SGCZ: variants seen among roughly 807,000 people sequenced by gnomAD.
The protein encoded by SGCZ is zeta-sarcoglycan.
A neutral mutation model predicts 41.3 loss-of-function variants in SGCZ; 40 were observed. The ratio of observed to expected loss-of-function variants is 0.97; its 90% CI spans 0.75 to 1.26. The LOEUF (loss-of-function observed/expected upper bound fraction) is 1.26, where lower values mean the gene tolerates loss of function less well. SGCZ is among the 50% of genes most tolerant of loss of function. The probability of loss-of-function intolerance (pLI) is 0.00; values close to 1 mark genes in which losing one functional copy is unlikely to be tolerated. For missense variants in SGCZ, 552 were observed against 369.8 expected (o/e 1.49, Z -4.04); for synonymous variants, 206 against 137.5 (o/e 1.50, Z -3.49).
intron 1 of SGCZ, among the ~76,000 whole-genome samples, chr8:15,215,964 T>G (rs912420801): frequency 6.6e-6 from 1 of 152,178 alleles, no homozygotes. Context: ...AAGTACATCC[T>G]TGTTGGTTGC....
intron 1 of SGCZ, among the ~76,000 whole-genome samples, chr8:15,226,150 T>C (rs917487759): frequency 3.9e-5 from 6 of 152,204 alleles, no homozygotes; most frequent in Non-Finnish European, 8.8e-5. Flanking sequence ...TCAAATATCT[T>C]GGCCTGTCTT....
intron 1 of SGCZ, among the ~76,000 whole-genome samples, chr8:15,108,926 G>A (rs1338301381): frequency 6.6e-6 from 1 of 151,866 alleles, no homozygotes; most frequent in Non-Finnish European, 1.5e-5. Context: ...TTCAGTGAAA[G>A]AATCATAAAT....
At chr8:15,180,797 G>C (rs1011570266) in intron 1 of SGCZ, among the ~76,000 whole-genome samples, 18 of 151,482 alleles carry the variant, frequency 1.2e-4, no homozygotes, top group African/African-American at 4.1e-4. Flanking sequence ...TGAGGCAGGA[G>C]AATGGCATGA....
chr8:14,451,948 C>A (rs1800606178), intron 2 of SGCZ, among the ~76,000 whole-genome samples: 1 of 152,148 alleles, frequency 6.6e-6, no homozygotes, highest in Admixed American at 6.5e-5. Flanking sequence ...TAAACATAGT[C>A]AGTTTACGAT....
intron 1 of SGCZ, among the ~76,000 whole-genome samples, chr8:14,675,520 A>G (rs879417797): frequency 6.6e-6 from 1 of 152,136 alleles, no homozygotes. Context: ...TACAGAGTGT[A>G]TACACTTTAC....
At chr8:14,186,510 T>C (rs1804906490) in intron 4 of SGCZ, among the ~76,000 whole-genome samples, 1 of 151,978 alleles carries the variant, frequency 6.6e-6, no homozygotes, top group African/African-American at 2.4e-5. Context: ...GGATGGAGGG[T>C]CCAGGCCACG....
chr8:15,057,905 T>C (rs1804772897), intron 1 of SGCZ, among the ~76,000 whole-genome samples: 1 of 152,214 alleles, frequency 6.6e-6, no homozygotes, highest in African/African-American at 2.4e-5. Flanking sequence ...CATCACCTAA[T>C]CTGGGCCAAG....
intron 2 of SGCZ, among the ~76,000 whole-genome samples, chr8:14,426,816 G>A (rs745531817): frequency 1.7e-4 from 26 of 152,240 alleles, no homozygotes; most frequent in Middle Eastern, 3.4e-3. Flanking sequence ...GAGTTGCAAA[G>A]ATTGGAAATA....
chr8:15,137,338 A>C (rs1302611041), intron 1 of SGCZ, among the ~76,000 whole-genome samples: 1 of 152,208 alleles, frequency 6.6e-6, no homozygotes, highest in Admixed American at 6.5e-5. Context: ...ACAATGCAAT[A>C]AAAAAGAAAA....
intron 2 of SGCZ, among the ~76,000 whole-genome samples, chr8:14,503,629 G>A (rs147298341): frequency 1.3e-5 from 2 of 151,918 alleles, no homozygotes; most frequent in African/African-American, 4.8e-5. Flanking sequence ...TTAGCTGGGC[G>A]TGGTGGCCTG....
At chr8:14,645,424 T>C (rs868416859) in intron 1 of SGCZ, among the ~76,000 whole-genome samples, 1 of 144,184 alleles carries the variant, frequency 6.9e-6, no homozygotes, top group Non-Finnish European at 1.5e-5. Flanking sequence ...ATTAAAATAT[T>C]TGCAGGTTTC....
chr8:14,729,792 G>T (rs542035016), intron 1 of SGCZ, among the ~76,000 whole-genome samples: 1 of 152,284 alleles, frequency 6.6e-6, no homozygotes, highest in South Asian at 2.1e-4. Context: ...TTAAAATATA[G>T]TGCCTTTTAA....
At chr8:14,179,126 C>G (rs1020733132) in intron 4 of SGCZ, among the ~76,000 whole-genome samples, 2 of 152,158 alleles carry the variant, frequency 1.3e-5, no homozygotes, top group African/African-American at 2.4e-5. Context: ...TCTAAAACCA[C>G]CCAAACAATC....
chr8:14,452,507 A>C (rs77719852), intron 2 of SGCZ, among the ~76,000 whole-genome samples: 26,042 of 151,842 alleles, frequency 0.17, 2,327 homozygotes, highest in African/African-American at 0.23. Context: ...AATAATAATA[A>C]AATAATGACT....
chr8:14,382,165 A>T (rs1188562566), intron 2 of SGCZ, among the ~76,000 whole-genome samples: 1 of 152,180 alleles, frequency 6.6e-6, no homozygotes, highest in African/African-American at 2.4e-5. Context: ...TTTTTCTGCT[A>T]AACCAGTAGA....
chr8:14,622,284 C>T (rs1168723851), intron 1 of SGCZ, among the ~76,000 whole-genome samples: 1 of 152,114 alleles, frequency 6.6e-6, no homozygotes, highest in Non-Finnish European at 1.5e-5. Context: ...GCTGACAAGA[C>T]ACCTACTGAG....
chr8:14,782,353 C>G (rs1050939885), intron 1 of SGCZ, among the ~76,000 whole-genome samples: 1 of 152,132 alleles, frequency 6.6e-6, no homozygotes, highest in East Asian at 1.9e-4. Context: ...TCCCCAGGAA[C>G]CTGCTGAATC....
At chr8:14,985,197 T>C (rs771560684) in intron 1 of SGCZ, among the ~76,000 whole-genome samples, 2 of 152,172 alleles carry the variant, frequency 1.3e-5, no homozygotes, top group African/African-American at 2.4e-5. Flanking sequence ...TGAGCAAATT[T>C]TACTGAAATT....
Position 14,837,490 on chromosome 8 carries a change from A to C in SGCZ, c.40-282564T>G, listed in dbSNP as rs970811131. Among the ~76,000 whole-genome samples the C allele has an allele frequency of 7.9e-5, 12 of 152,312 alleles. 1 individual carries two copies. The Middle Eastern group carries it at 0.014, about 173-fold the overall frequency. On this transcript the variant is annotated intron_variant, in intron 1 of 7. Transcript: ENST00000382080. ...GGAATTGGCTGCTCATATAGGGACT[A>C]CATTTCCCAACTCCCGTTGCATCAG...
Sources: allele counts gnomAD v4.1 joint callset (sites outside exome capture counted in the v4.1 genomes callset), GRCh38; gene constraint gnomAD v4.1.1; transcripts MANE v1.5; gene names NCBI Gene and HGNC (gene_info 2026-07-23, HGNC 2026-07-21).